The following GPC6 variants were observed in gnomAD, a reference collection of about 807,000 sequenced individuals.
GPC6 encodes the protein glypican-6.
GPC6 carries 14 observed loss-of-function variants against 55.2 expected under a neutral mutation model. The observed-to-expected ratio is 0.25, with a 90% confidence interval of 0.17 to 0.40. The LOEUF (loss-of-function observed/expected upper bound fraction) is 0.40, where lower values mean the gene tolerates loss of function less well. Ranked by LOEUF, GPC6 falls within the 10% of genes least tolerant of loss-of-function variation. The pLI is 1.00. For synonymous variants in GPC6, 278 were observed against 259.6 expected (o/e 1.07, Z -0.68); for missense variants, 641 against 708.5 (o/e 0.90, Z 1.08).
At chr13:94,241,991 C>T (rs918950061) in intron 4 of GPC6, among the ~76,000 whole-genome samples, 1 of 151,788 alleles carries the variant, frequency 6.6e-6, no homozygotes, top group African/African-American at 2.4e-5. Flanking sequence ...CATATGTATA[C>T]ATGTGCCATG....
intron 4 of GPC6, among the ~76,000 whole-genome samples, chr13:94,237,029 C>G (rs551518459): frequency 6.6e-6 from 1 of 151,938 alleles, no homozygotes; most frequent in Non-Finnish European, 1.5e-5. Context: ...TCATATTGCT[C>G]CAAGAGTAAT....
intron 4 of GPC6, among the ~76,000 whole-genome samples, chr13:94,077,699 A>G (rs1218977798): frequency 4.6e-5 from 7 of 151,842 alleles, no homozygotes; most frequent in Non-Finnish European, 1.0e-4. Flanking sequence ...AATTTTGTCA[A>G]ATGCCTTTTC....
At chr13:94,231,971 C>G (rs1003981039) in intron 4 of GPC6, among the ~76,000 whole-genome samples, 2 of 152,116 alleles carry the variant, frequency 1.3e-5, no homozygotes, top group Admixed American at 1.3e-4. Context: ...AATCGCAACT[C>G]TATTTATCTA....
chr13:93,929,345 A>T (rs1288977046), intron 3 of GPC6, among the ~76,000 whole-genome samples: 2 of 152,252 alleles, frequency 1.3e-5, no homozygotes, highest in Non-Finnish European at 2.9e-5. Context: ...TGCCAAAAAT[A>T]TACAGCTTAG....
Position 93,545,369 on chromosome 13 carries a change from G to C in GPC6, c.267G>C (p.Glu89Asp), listed in dbSNP as rs771684843. The stretch of plus-strand genomic sequence containing the variant: ...TCGAATTTGAAAACCTTGTGGAAGA[G>C]ACAAGCCATTTTGTGCGCACCACTT... Reference protein sequence around the residue: ...SKLEFENLVEETSHFVRTTFV... With the variant: ...SKLEFENLVEDTSHFVRTTFV... Residue 89 changes from glutamate (E) to aspartate (D), a missense_variant, in exon 2 of 9, where the codon GAG becomes GAC. Coordinates refer to ENST00000377047, the MANE Select transcript of GPC6 (RefSeq NM_005708.5). The C allele has an allele frequency of 6.2e-7, 1 of 1,613,848 alleles. No homozygotes were observed. The highest frequency in any genetic ancestry group is 1.1e-5 in the South Asian group (1 of 91,084).
chr13:93,868,658 G>A (rs1035334353), intron 3 of GPC6, among the ~76,000 whole-genome samples: 1 of 151,726 alleles, frequency 6.6e-6, no homozygotes, highest in Non-Finnish European at 1.5e-5. Context: ...CAAATATCTG[G>A]TACTACATAG....
chr13:94,213,672 C>G (rs1890149233), intron 4 of GPC6, among the ~76,000 whole-genome samples: 1 of 152,154 alleles, frequency 6.6e-6, no homozygotes, highest in Non-Finnish European at 1.5e-5. Flanking sequence ...CCGGCTCATC[C>G]ACATGATGGT....
At chr13:93,646,140 T>C (rs1880159647) in intron 2 of GPC6, among the ~76,000 whole-genome samples, 1 of 152,176 alleles carries the variant, frequency 6.6e-6, no homozygotes, top group Non-Finnish European at 1.5e-5. Flanking sequence ...GGCCAAATTA[T>C]AAACTATGGA....
chr13:93,561,161 G>A (rs1286471766), intron 2 of GPC6, among the ~76,000 whole-genome samples: 2 of 151,972 alleles, frequency 1.3e-5, no homozygotes, highest in African/African-American at 2.4e-5. Context: ...ACATCTGCAT[G>A]TGGAGTAAAG....
intron 1 of GPC6, among the ~76,000 whole-genome samples, chr13:93,352,958 T>C (rs772818279): frequency 3.9e-5 from 6 of 152,092 alleles, no homozygotes; most frequent in African/African-American, 9.7e-5. Flanking sequence ...TATCTCCAGG[T>C]GATTTATACA....
chr13:94,324,773 G>A (rs897864837), intron 6 of GPC6, among the ~76,000 whole-genome samples: 27 of 151,830 alleles, frequency 1.8e-4, no homozygotes, highest in Non-Finnish European at 3.5e-4. Context: ...ATGCAGCATA[G>A]TTCCAGATTG....
In GPC6 at chr13:93,933,968, A is replaced by G. The variant is rs552901456; in HGVS notation, c.712-93761A>G. On this transcript the variant is annotated intron_variant, in intron 3 of 8. Transcript: ENST00000377047. ...TTTCAAGGAAATAGCTTCACATCCC[A>G]CACACGTATCTCAGGTAATCAAACA... is the stretch of plus-strand genomic sequence containing the variant. Among the ~76,000 whole-genome samples, 115 of 152,278 alleles carry G rather than the reference A, an allele frequency of 7.6e-4. No homozygotes were observed. The Middle Eastern group carries it at 0.014, about 18-fold the overall frequency.
At position 93,845,839 on chromosome 13, in the gene GPC6, G is replaced by A. The variant is rs189648027; in HGVS notation, c.711+15294G>A. ...CACACTCTGGGGACTGTTGTGGGGT[G>A]GGGGGAGGGGGGAGGGATAGCATTG... On this transcript the variant is annotated intron_variant, in intron 3 of 8. Transcript: ENST00000377047. 8.6e-3 allele frequency among the ~76,000 whole-genome samples: 1,039 copies of A among 121,222 alleles called. 24 individuals are homozygous for A. The highest frequency in any genetic ancestry group is 0.03 in the African/African-American group (983 of 32,428). The allele number at this position is 121,222 out of a possible 152,430, so 79.5% of individuals were successfully genotyped here.
chr13:94,086,021 G>A lies in GPC6; in HGVS notation c.877+58127G>A, dbSNP rs1035507542. Among the ~76,000 whole-genome samples the A allele has an allele frequency of 1.7e-4, 26 of 152,096 alleles. 1 individual carries two copies. Among genetic ancestry groups the A allele is most frequent in the Non-Finnish European group, 4.4e-5 (3 of 67,980 alleles). On this transcript the variant is annotated intron_variant, in intron 4 of 8. Transcript: ENST00000377047. The stretch of plus-strand genomic sequence containing the variant: ...TTCTGTAAAGACACTGAATATTCAT[G>A]TTCTTTTCTCTTTTTTTCTTTTTTT...
chr13:93,590,696 A>C (rs1324990483), intron 2 of GPC6, among the ~76,000 whole-genome samples: 4 of 152,214 alleles, frequency 2.6e-5, no homozygotes, highest in Non-Finnish European at 4.4e-5. Context: ...CCCAGAAAGT[A>C]GGTATGACTG....
intron 2 of GPC6, among the ~76,000 whole-genome samples, chr13:93,643,167 T>C (rs1880030970): frequency 6.6e-6 from 1 of 152,142 alleles, no homozygotes; most frequent in African/African-American, 2.4e-5. Flanking sequence ...TTAGTATTCA[T>C]TGTTTAATAT....
chr13:93,443,837 T>G (rs1179142259), intron 1 of GPC6, among the ~76,000 whole-genome samples: 1 of 151,884 alleles, frequency 6.6e-6, no homozygotes, highest in Non-Finnish European at 1.5e-5. Flanking sequence ...CTGAAGACAT[T>G]AGAAAAGTAT....
At chr13:93,356,666 C>T (rs1880859339) in intron 1 of GPC6, among the ~76,000 whole-genome samples, 1 of 152,216 alleles carries the variant, frequency 6.6e-6, no homozygotes, top group South Asian at 2.1e-4. Context: ...GCAAACACGG[C>T]CAGCAGCATT....
intron 1 of GPC6, among the ~76,000 whole-genome samples, chr13:93,397,782 A>G (rs1875916761): frequency 6.6e-6 from 1 of 151,114 alleles, no homozygotes; most frequent in African/African-American, 2.4e-5. Flanking sequence ...TTCTCTGCTC[A>G]AAAGCTATTT....
Sources: allele counts gnomAD v4.1 joint callset (sites outside exome capture counted in the v4.1 genomes callset), GRCh38; gene constraint gnomAD v4.1.1; transcripts MANE v1.5; gene names NCBI Gene and HGNC (gene_info 2026-07-23, HGNC 2026-07-21).